PACSIN2: variants seen among roughly 807,000 people sequenced by gnomAD.
PACSIN2 encodes protein kinase C and casein kinase substrate in neurons 2.
Under a neutral mutation model 63.8 loss-of-function variants are expected in PACSIN2, and 25 were observed. The ratio of observed to expected loss-of-function variants is 0.39; its 90% CI spans 0.29 to 0.55. PACSIN2 has a LOEUF of 0.55. Ranked by LOEUF, PACSIN2 falls within the 20% of genes least tolerant of loss-of-function variation. PACSIN2 has a pLI of 0.62. For missense variants in PACSIN2, 518 were observed against 646.9 expected (o/e 0.80, Z 2.16); for synonymous variants, 255 against 256.2 (o/e 1.00, Z 0.05).
intron 1 of PACSIN2, among the ~76,000 whole-genome samples, chr22:42,916,653 C>T (rs1036545455): frequency 2.0e-5 from 3 of 152,106 alleles, no homozygotes; most frequent in Admixed American, 6.5e-5. Flanking sequence ...CCTTGCAGTC[C>T]GCTCTATGGC....
intron 1 of PACSIN2, among the ~76,000 whole-genome samples, chr22:42,949,437 C>T (rs960276784): frequency 4.6e-5 from 7 of 151,296 alleles, no homozygotes; most frequent in African/African-American, 1.7e-4. Context: ...AGACCTTCAA[C>T]GTTAAGCCTC....
intron 1 of PACSIN2, among the ~76,000 whole-genome samples, chr22:42,998,413 C>G (rs887189627): frequency 6.6e-6 from 1 of 152,184 alleles, no homozygotes; most frequent in African/African-American, 2.4e-5. Context: ...ACGCATGACT[C>G]GCACAGATGC....
Position 42,987,449 on chromosome 22 carries a change from AACACAC to A in PACSIN2, c.-78+27566_-78+27571del, listed in dbSNP as rs745523623. ...GACACCCCACCCTGAGTCCAGGAGC[AACACAC>A]ACACACACACACACACACACACACA... On this transcript the variant is annotated intron_variant, in intron 1 of 10. Coordinates refer to ENST00000263246, the MANE Select transcript of PACSIN2 (RefSeq NM_001184970.3). Among the ~76,000 whole-genome samples the A allele has an allele frequency of 7.8e-4, 68 of 87,082 alleles. 1 individual carries two copies. Among genetic ancestry groups the A allele is most frequent in the Middle Eastern group, 5.7e-3 (1 of 176 alleles). The allele number at this position is 87,082 out of a possible 152,430, so 57.1% of individuals were successfully genotyped here.
At chr22:42,984,363 A>G (rs1922461182) in intron 1 of PACSIN2, among the ~76,000 whole-genome samples, 1 of 150,950 alleles carries the variant, frequency 6.6e-6, no homozygotes, top group African/African-American at 2.4e-5. Flanking sequence ...AAAGTTAATA[A>G]TGAGTACAGA....
chr22:42,992,643 T>C (rs995673933), intron 1 of PACSIN2, among the ~76,000 whole-genome samples: 5 of 152,194 alleles, frequency 3.3e-5, no homozygotes, highest in Non-Finnish European at 5.9e-5. Context: ...CAAATGTTAA[T>C]AGCACCTTAT....
chr22:42,993,215 G>A (rs534524923), intron 1 of PACSIN2, among the ~76,000 whole-genome samples: 84 of 152,078 alleles, frequency 5.5e-4, no homozygotes, highest in African/African-American at 2.0e-3. Flanking sequence ...AATACATACT[G>A]TATGATTCCA....
At chr22:42,956,299 C>T (rs1465692444) in intron 1 of PACSIN2, among the ~76,000 whole-genome samples, 1 of 152,168 alleles carries the variant, frequency 6.6e-6, no homozygotes, top group Non-Finnish European at 1.5e-5. Context: ...AGATTTATGT[C>T]TTATGATTCA....
At chr22:42,940,437 C>G (rs958572305) in intron 1 of PACSIN2, among the ~76,000 whole-genome samples, 1 of 152,092 alleles carries the variant, frequency 6.6e-6, no homozygotes, top group Admixed American at 6.5e-5. Context: ...ACGGATTACA[C>G]CAGGTAGCTC....
intron 8 of PACSIN2, among the ~76,000 whole-genome samples, chr22:42,877,597 G>A (rs560861680): frequency 6.6e-6 from 1 of 152,330 alleles, no homozygotes; most frequent in Admixed American, 6.5e-5. Flanking sequence ...GATTCCTTTG[G>A]TGCTCCAGAG....
chr22:42,936,917 A>AGGGGG (rs34212391), intron 1 of PACSIN2, among the ~76,000 whole-genome samples: 1 of 117,128 alleles, frequency 8.5e-6, no homozygotes, highest in Non-Finnish European at 1.7e-5. Flanking sequence ...CCTCAAAAAA[A>AGGGGG]GGGGGGGGGG....
At chr22:42,981,804 G>T (rs1439984549) in intron 1 of PACSIN2, among the ~76,000 whole-genome samples, 4 of 125,378 alleles carry the variant, frequency 3.2e-5, no homozygotes, top group Non-Finnish European at 6.9e-5. Context: ...CCGGCCAGCC[G>T]CCCAGTCCGG....
At chr22:42,986,799 G>C (rs1457684490) in intron 1 of PACSIN2, among the ~76,000 whole-genome samples, 1 of 152,082 alleles carries the variant, frequency 6.6e-6, no homozygotes, top group Non-Finnish European at 1.5e-5. Context: ...ATCAACACTT[G>C]TCTCTCTAGA....
chr22:42,884,199 C>T (rs146036504), intron 6 of PACSIN2, among the ~76,000 whole-genome samples, 187 bp downstream of exon 6: 1 of 152,276 alleles, frequency 6.6e-6, no homozygotes, highest in African/African-American at 2.4e-5. Flanking sequence ...CCTGCAGCTG[C>T]AGAAACACTC....
chr22:42,968,024 G>C (rs928668381), intron 1 of PACSIN2, among the ~76,000 whole-genome samples: 4 of 152,174 alleles, frequency 2.6e-5, no homozygotes, highest in African/African-American at 4.8e-5. Flanking sequence ...TGATAACCTT[G>C]CAAGGTGGGA....
Position 42,876,189 on chromosome 22 carries a change from C to A in PACSIN2, c.1296G>T (p.Arg432=). ...DATSGTEVRV[R]ALYDYEGQEH... is the part of the protein sequence containing the mutation. ...CCTGCCCCTCATAGTCATACAGGGCCCGGACTCGCACTTCCGTCCCCGAGG... is the reference window on the plus strand; with the variant it reads ...CCTGCCCCTCATAGTCATACAGGGCACGGACTCGCACTTCCGTCCCCGAGG... The change falls in exon 10 of 11, where the codon CGG becomes CGT. Residue 432 remains arginine, a synonymous_variant. Coordinates refer to ENST00000263246, the MANE Select transcript of PACSIN2 (RefSeq NM_001184970.3). The A allele has an allele frequency of 3.7e-6, 6 of 1,614,220 alleles. No individual in the cohort carries two copies. The highest frequency in any genetic ancestry group is 4.2e-6 in the Non-Finnish European group (5 of 1,180,044).
chr22:42,931,237 C>A (rs1476088305), intron 1 of PACSIN2, among the ~76,000 whole-genome samples: 1 of 152,240 alleles, frequency 6.6e-6, no homozygotes, highest in Non-Finnish European at 1.5e-5. Context: ...TGAATGAATC[C>A]CAGCCTTGCT....
chr22:43,008,923 C>G (rs5759086), intron 1 of PACSIN2, among the ~76,000 whole-genome samples: 92,764 of 152,102 alleles, frequency 0.61, 28,909 homozygotes, highest in East Asian at 0.81. Flanking sequence ...TAAGTCTGCT[C>G]AAAACACTCA....
At chr22:42,995,210 C>G (rs1923316843) in intron 1 of PACSIN2, among the ~76,000 whole-genome samples, 2 of 152,212 alleles carry the variant, frequency 1.3e-5, no homozygotes, top group Non-Finnish European at 2.9e-5. Context: ...GAAACTGCAC[C>G]CTGGCATTCA....
At chr22:42,906,373 T>C (rs1315287300) in intron 2 of PACSIN2, among the ~76,000 whole-genome samples, 1 of 152,262 alleles carries the variant, frequency 6.6e-6, no homozygotes, top group African/African-American at 2.4e-5. Context: ...TCTGTTTTCA[T>C]AAGCGTCCAA....
Sources: gnomAD v4.1 joint callset for allele counts (sites outside exome capture counted in the v4.1 genomes callset) on GRCh38, gnomAD v4.1.1 for gene constraint, MANE v1.5 for transcripts, NCBI Gene and HGNC (gene_info 2026-07-23, HGNC 2026-07-21) for gene names.